ZNF804B: variants seen among roughly 807,000 people sequenced by gnomAD.
The protein encoded by ZNF804B is zinc finger protein 804B.
Under a neutral mutation model 101.4 loss-of-function variants are expected in ZNF804B, and 80 were observed. That is an observed-to-expected ratio of 0.79 (90% CI 0.66 to 0.95). The LOEUF is 0.95. ZNF804B is among the 40% of genes least tolerant of loss of function. ZNF804B has a pLI of 0.00. For missense variants in ZNF804B, 1,673 were observed against 1,561.9 expected (o/e 1.07, Z -1.20); for synonymous variants, 622 against 558.8 (o/e 1.11, Z -1.59).
chr7:88,943,412 C>T (rs1254655478), intron 1 of ZNF804B, among the ~76,000 whole-genome samples: 1 of 151,836 alleles, frequency 6.6e-6, no homozygotes, highest in South Asian at 2.1e-4. Flanking sequence ...TTTCTGTTAG[C>T]AAGCACTTGC....
At chr7:89,318,688 G>A (rs4257953) in intron 2 of ZNF804B, among the ~76,000 whole-genome samples, 18,994 of 152,200 alleles carry the variant, frequency 0.12, 1,421 homozygotes, top group South Asian at 0.18. Flanking sequence ...GCTTGAACTC[G>A]GAGGCAGAGG....
At chr7:88,801,183 C>T (rs1330082592) in intron 1 of ZNF804B, among the ~76,000 whole-genome samples, 1 of 151,656 alleles carries the variant, frequency 6.6e-6, no homozygotes, top group African/African-American at 2.4e-5. Context: ...CCCAGTCTTA[C>T]TTAATTAGGA....
At chr7:89,275,565 G>A (rs1403302887) in intron 2 of ZNF804B, among the ~76,000 whole-genome samples, 1 of 132,870 alleles carries the variant, frequency 7.5e-6, no homozygotes, top group Admixed American at 7.3e-5. Context: ...TCTTTGGCTT[G>A]AACATTCTGG....
chr7:89,254,243 A>G (rs1207531831), intron 2 of ZNF804B, among the ~76,000 whole-genome samples: 2 of 152,146 alleles, frequency 1.3e-5, no homozygotes, highest in Non-Finnish European at 2.9e-5. Context: ...TATTAGAATT[A>G]ATAATTTAGT....
chr7:89,278,693 C>G (rs1301896428), intron 2 of ZNF804B, among the ~76,000 whole-genome samples: 1 of 149,680 alleles, frequency 6.7e-6, no homozygotes, highest in Non-Finnish European at 1.5e-5. Flanking sequence ...GGGCTCTGTT[C>G]TGTTCCATTG....
At chr7:88,921,291 T>G (rs1479045172) in intron 1 of ZNF804B, among the ~76,000 whole-genome samples, 1 of 152,018 alleles carries the variant, frequency 6.6e-6, no homozygotes, top group East Asian at 1.9e-4. Context: ...GTTTTACTAA[T>G]AATTTCAAAC....
intron 1 of ZNF804B, among the ~76,000 whole-genome samples, chr7:89,153,951 C>A (rs1393820182): frequency 6.6e-6 from 1 of 152,054 alleles, no homozygotes; most frequent in Non-Finnish European, 1.5e-5. Flanking sequence ...TCAGATGCTT[C>A]TTTGCTTATA....
At chr7:88,954,563 C>CCA (rs1554349349) in intron 1 of ZNF804B, among the ~76,000 whole-genome samples, 1 of 151,210 alleles carries the variant, frequency 6.6e-6, no homozygotes, top group Non-Finnish European at 1.5e-5. Context: ...ATGCCCCCCC[C>CCA]CCACCACGGG....
chr7:89,219,768 T>C (rs1470878152), intron 2 of ZNF804B, among the ~76,000 whole-genome samples: 1 of 151,396 alleles, frequency 6.6e-6, no homozygotes, highest in Non-Finnish European at 1.5e-5. Context: ...ATCTCAAATA[T>C]TTATTCAGAT....
At chr7:89,018,035 A>G (rs569066360) in intron 1 of ZNF804B, among the ~76,000 whole-genome samples, 1 of 152,192 alleles carries the variant, frequency 6.6e-6, no homozygotes, top group African/African-American at 2.4e-5. Context: ...TGTTCGAGCT[A>G]GGATTTTCAG....
chr7:88,776,225 C>T (rs1312550041), intron 1 of ZNF804B, among the ~76,000 whole-genome samples: 1 of 152,170 alleles, frequency 6.6e-6, no homozygotes, highest in African/African-American at 2.4e-5. Context: ...TCACAGTTGG[C>T]TTATTCTGTT....
At chr7:88,956,351 T>C (rs1017743667) in intron 1 of ZNF804B, among the ~76,000 whole-genome samples, 1 of 151,510 alleles carries the variant, frequency 6.6e-6, no homozygotes, top group Non-Finnish European at 1.5e-5. Flanking sequence ...CCTAAGTGTC[T>C]TTTACATCAA....
chr7:89,165,242 T>C (rs954809454), intron 1 of ZNF804B, among the ~76,000 whole-genome samples: 1 of 152,058 alleles, frequency 6.6e-6, no homozygotes, highest in South Asian at 2.1e-4. Flanking sequence ...GGGTATTACA[T>C]TTACCACTCA....
rs1788929174 is a variant in ZNF804B at position 89,218,369 on chromosome 7, T to A, written c.249+74T>A. The A allele has an allele frequency of 5.9e-6, 9 of 1,530,890 alleles. No homozygotes were observed. The Admixed American group carries it at 1.7e-4, about 28-fold the overall frequency. The allele number at this position is 1,530,890 out of a possible 1,614,324, so 94.8% of individuals were successfully genotyped here. On this transcript the variant is annotated intron_variant, in intron 2 of 3. Transcript: ENST00000333190. The stretch of plus-strand genomic sequence containing the variant: ...AGAACAGAACTGTATGAATTTGACC[T>A]TATTTACTGCCATATAAGACTGTGA...
At chr7:89,074,615 A>G (rs1024055837) in intron 1 of ZNF804B, among the ~76,000 whole-genome samples, 1 of 152,180 alleles carries the variant, frequency 6.6e-6, no homozygotes, top group African/African-American at 2.4e-5. Flanking sequence ...AGTCTCTGGT[A>G]TGTCTTTATC....
intron 1 of ZNF804B, among the ~76,000 whole-genome samples, chr7:88,764,631 A>T (rs925344536): frequency 6.6e-6 from 1 of 152,186 alleles, no homozygotes; most frequent in Non-Finnish European, 1.5e-5. Context: ...ACATCCATCC[A>T]TCCAGAGAAC....
chr7:89,077,429 C>G (rs73391239), intron 1 of ZNF804B, among the ~76,000 whole-genome samples: 3,477 of 151,920 alleles, frequency 0.023, 159 homozygotes, highest in African/African-American at 0.079. Flanking sequence ...TTTTTAACAG[C>G]CTTAATTACA....
At chr7:88,848,598 T>G (rs1264665211) in intron 1 of ZNF804B, among the ~76,000 whole-genome samples, 1 of 151,480 alleles carries the variant, frequency 6.6e-6, no homozygotes, top group Non-Finnish European at 1.5e-5. Context: ...TAGATTGAGA[T>G]GTTTCATATG....
At chr7:88,816,692 C>T (rs1357902891) in intron 1 of ZNF804B, among the ~76,000 whole-genome samples, 13 of 143,990 alleles carry the variant, frequency 9.0e-5, no homozygotes, top group African/African-American at 3.4e-4. Flanking sequence ...GATACCATCT[C>T]ACACCAGTTA....
Sources: allele counts gnomAD v4.1 joint callset (sites outside exome capture counted in the v4.1 genomes callset), GRCh38; gene constraint gnomAD v4.1.1; transcripts MANE v1.5; gene names NCBI Gene and HGNC (gene_info 2026-07-23, HGNC 2026-07-21).